Variants in NPM1 observed in about 807,000 individuals in gnomAD.
The protein encoded by NPM1 is nucleophosmin 1, also known as nucleophosmin.
Under a neutral mutation model 44.1 loss-of-function variants are expected in NPM1, and 1 was observed. That is an observed-to-expected ratio of 0.02 (90% CI 0.01 to 0.11). The LOEUF is 0.11. Ranked by LOEUF, NPM1 falls within the 10% of genes least tolerant of loss-of-function variation. The probability of loss-of-function intolerance (pLI) is 1.00; values close to 1 mark genes in which losing one functional copy is unlikely to be tolerated. For missense variants in NPM1, 197 were observed against 347.8 expected, an observed-to-expected ratio of 0.57 and a Z score of 3.45; for synonymous variants, 126 against 111.8, an observed-to-expected ratio of 1.13 and a Z score of -0.80.
intron 4 of NPM1, among the ~76,000 whole-genome samples, chr5:171,392,278 C>T (rs763173590): frequency 3.2e-4 from 49 of 152,284 alleles, no homozygotes; most frequent in African/African-American, 4.6e-4. Context: ...CTCATTATAA[C>T]GGCTGGAGTG....
intron 1 of NPM1, 72 bp downstream of exon 1, chr5:171,388,078 G>A: frequency 6.5e-6 from 4 of 616,738 alleles, no homozygotes; most frequent in East Asian, 3.9e-5. Flanking sequence ...TGAGGGGCGG[G>A]AATCCGGCTG....
rs540561427 is a variant in NPM1 at position 171,387,873 on chromosome 5, G to C, written c.-76G>C. On this transcript the variant is annotated 5_prime_UTR_variant, in exon 1 of 11. Coordinates refer to ENST00000296930, the MANE Select transcript of NPM1 (RefSeq NM_002520.7). ...CCTTTCCCTGGTGTGATTCCGTCCT[G>C]CGCGGTTGTTCTCTGGAGCAGCGTT... 9.6e-6 allele frequency: 13 copies of C among 1,359,496 alleles called. No homozygotes were observed. The highest frequency in any genetic ancestry group is 1.4e-5 in the Non-Finnish European group (13 of 952,290). 84.2% of individuals were successfully genotyped at this position (1,359,496 alleles called of 1,614,324 possible).
chr5:171,401,195 T>C (rs1410396128), intron 8 of NPM1, among the ~76,000 whole-genome samples: 1 of 151,926 alleles, frequency 6.6e-6, no homozygotes, highest in African/African-American at 2.4e-5. Flanking sequence ...CTGTCTTTAC[T>C]AAAAACACAA....
rs1770571936 is a variant in NPM1, at chr5:171,391,403, G to A, written c.237G>A (p.Leu79=). The A allele has an allele frequency of 1.2e-6, 2 of 1,608,654 alleles. No individual in the cohort carries two copies. The highest frequency in any genetic ancestry group is 1.3e-5 in the African/African-American group (1 of 74,926). The change falls in exon 3 of 11, where the codon TTG becomes TTA. Residue 79 remains leucine, a synonymous_variant. Transcript: ENST00000296930. ...CAATTAAAGTAACACTGGCAACTTT[G>A]AAAATGTCTGTACAGCCAACGGTAA... is the stretch of plus-strand genomic sequence containing the variant. ...GSPIKVTLAT[L]KMSVQPTVSL...
At chr5:171,405,241 G>T in intron 8 of NPM1, 61 bp from the exon 9 acceptor site, 1 of 777,714 alleles carries the variant, frequency 1.3e-6, no homozygotes, top group South Asian at 1.6e-5. Flanking sequence ...CAGATAGAAT[G>T]GGTTTTAATT....
At chr5:171,391,957 C>T (rs759058800) in intron 4 of NPM1, among the ~76,000 whole-genome samples, 158 bp downstream of exon 4, 5 of 122,676 alleles carry the variant, frequency 4.1e-5, no homozygotes, top group South Asian at 2.9e-4. Flanking sequence ...ATTTTTGGGG[C>T]GGGGGGGAGA....
chr5:171,398,162 T>C (rs1771009757), intron 6 of NPM1, among the ~76,000 whole-genome samples: 1 of 152,252 alleles, frequency 6.6e-6, no homozygotes, highest in East Asian at 1.9e-4. Flanking sequence ...CACCATTCCG[T>C]GAATTGTTAC....
intron 8 of NPM1, among the ~76,000 whole-genome samples, chr5:171,404,144 C>G (rs372148394): frequency 1.2e-5 from 1 of 85,188 alleles, no homozygotes; most frequent in South Asian, 4.9e-4. Flanking sequence ...CTGACCCCCC[C>G]ACCTCCCTCC....
At chr5:171,409,686 T>G (rs1771728124) in intron 10 of NPM1, among the ~76,000 whole-genome samples, 1 of 152,326 alleles carries the variant, frequency 6.6e-6, no homozygotes, top group South Asian at 2.1e-4. Flanking sequence ...TTCTGGACTT[T>G]TCTTCAGAAC....
intron 9 of NPM1, chr5:171,406,318 A>G: frequency 7.8e-7 from 1 of 1,289,226 alleles, no homozygotes; most frequent in Admixed American, 1.7e-5. Flanking sequence ...TGTCCCTTGG[A>G]TACAATGCTA....
At chr5:171,391,231 A>T (rs1770560428) in intron 2 of NPM1, 74 bp from the exon 3 acceptor site, 1 of 1,539,844 alleles carries the variant, frequency 6.5e-7, no homozygotes, top group Non-Finnish European at 8.8e-7. Context: ...GCATGGCTGC[A>T]TATAACATTT....
chr5:171,393,778 CTT>C (rs1209428838), intron 6 of NPM1, among the ~76,000 whole-genome samples: 1 of 152,122 alleles, frequency 6.6e-6, no homozygotes, highest in African/African-American at 2.4e-5. Context: ...TCTTCAAAAT[CTT>C]TGAGCATGAC....
chr5:171,389,489 G>A (rs1770457719), intron 1 of NPM1, among the ~76,000 whole-genome samples: 1 of 152,108 alleles, frequency 6.6e-6, no homozygotes, highest in Admixed American at 6.6e-5. Context: ...GATAACTATC[G>A]GAAAGAACCC....
At chr5:171,403,931 C>T (rs1771406541) in intron 8 of NPM1, among the ~76,000 whole-genome samples, 1 of 74,010 alleles carries the variant, frequency 1.4e-5, no homozygotes, top group African/African-American at 5.3e-5. Flanking sequence ...CCACCTCCCT[C>T]CCGGACGGGG....
At chr5:171,399,365 CT>C (rs1178500530) in intron 6 of NPM1, among the ~76,000 whole-genome samples, 3 of 152,156 alleles carry the variant, frequency 2.0e-5, no homozygotes, top group African/African-American at 7.2e-5. Context: ...CCTGCCTTAG[CT>C]TTTCAAATAG....
intron 1 of NPM1, among the ~76,000 whole-genome samples, chr5:171,389,087 G>A (rs1770434188): frequency 6.6e-6 from 1 of 152,184 alleles, no homozygotes; most frequent in Non-Finnish European, 1.5e-5. Context: ...AATTTTGGGA[G>A]CACCACCCCC....
chr5:171,400,326 G>GAGGGAGATCATCTCATACTT, intron 7 of NPM1, 116 bp downstream of exon 7: 1 of 1,202,942 alleles, frequency 8.3e-7, no homozygotes, highest in Admixed American at 2.2e-5. Context: ...ATCTCATACT[G>GAGGGAGATCATCTCATACTT]AAAATTAGTC....
chr5:171,390,976 C>T, intron 2 of NPM1: 1 of 172,078 alleles, frequency 5.8e-6, no homozygotes, highest in Non-Finnish European at 1.2e-5. Context: ...CCCGCCTCAG[C>T]CTCCCTAAGT....
At position 171,410,822 on chromosome 5, in the gene NPM1, C is replaced by T. The variant is rs1804023; in HGVS notation, c.*257C>T. ...GGACATAGTAGTAGCGGTGGTCAGACATGGAAATGGTGGGGAGACAAAAAT... is the reference window on the plus strand; with the variant it reads ...GGACATAGTAGTAGCGGTGGTCAGATATGGAAATGGTGGGGAGACAAAAAT... On this transcript the variant is annotated 3_prime_UTR_variant, in exon 11 of 11. Transcript: ENST00000296930. The T allele has an allele frequency of 2.9e-6, 1 of 346,372 alleles. No individual in the cohort carries two copies. The highest frequency in any genetic ancestry group is 5.2e-6 in the Non-Finnish European group (1 of 193,030). 21.5% of individuals were successfully genotyped at this position (346,372 alleles called of 1,614,324 possible).
Sources: allele counts gnomAD v4.1 joint callset (sites outside exome capture counted in the v4.1 genomes callset), GRCh38; gene constraint gnomAD v4.1.1; transcripts MANE v1.5; gene names NCBI Gene and HGNC (gene_info 2026-07-23, HGNC 2026-07-21).